RBFOX3: variants seen among roughly 807,000 people sequenced by gnomAD.
The protein encoded by RBFOX3 is RNA binding fox-1 homolog 3, also known as RNA binding protein fox-1 homolog 3.
In RBFOX3, 17 loss-of-function variants were observed where a neutral mutation model predicts 48.7. The ratio of observed to expected loss-of-function variants is 0.35; its 90% CI spans 0.24 to 0.52. The LOEUF (loss-of-function observed/expected upper bound fraction) is 0.52, where lower values mean the gene tolerates loss of function less well. RBFOX3 is among the 20% of genes least tolerant of loss of function. RBFOX3 has a pLI of 0.94. For synonymous variants in RBFOX3, 212 were observed against 209.5 expected (o/e 1.01, Z -0.10); for missense variants, 382 against 497.5 (o/e 0.77, Z 2.21).
chr17:79,469,224 G>A (rs1555755554), intron 2 of RBFOX3, among the ~76,000 whole-genome samples: 1 of 152,180 alleles, frequency 6.6e-6, no homozygotes, highest in Non-Finnish European at 1.5e-5. Flanking sequence ...ACATCGAGTT[G>A]GCAGCAGAGG....
intron 4 of RBFOX3, among the ~76,000 whole-genome samples, chr17:79,167,866 G>C (rs1464378968): frequency 6.6e-6 from 1 of 152,178 alleles, no homozygotes; most frequent in East Asian, 1.9e-4. Context: ...AGCTCATCCG[G>C]GACCCTCCAG....
At chr17:79,227,897 G>C (rs1056890925) in intron 4 of RBFOX3, among the ~76,000 whole-genome samples, 22 of 152,342 alleles carry the variant, frequency 1.4e-4, no homozygotes, top group Middle Eastern at 6.8e-3. Flanking sequence ...GTGGGGAGCA[G>C]ATAGGTACTG....
chr17:79,194,811 C>A (rs1442436526), intron 4 of RBFOX3, among the ~76,000 whole-genome samples: 1 of 150,344 alleles, frequency 6.7e-6, no homozygotes, highest in East Asian at 2.0e-4. Context: ...TGACTTGGGA[C>A]CATAAAAAGA....
At chr17:79,620,099 GTGTGCATGCACGCATATGCA>G in the RBFOX3 span, among the ~76,000 whole-genome samples, 1 of 125,866 alleles carries the variant, frequency 7.9e-6, no homozygotes, top group African/African-American at 4.1e-5. Context: ...ATGCACACAT[GTGTGCATGCACGCATATGCA>G]CACATACACA....
At chr17:79,567,217 T>A (rs2092495841) in intron 1 of RBFOX3, among the ~76,000 whole-genome samples, 1 of 141,242 alleles carries the variant, frequency 7.1e-6, no homozygotes, top group Non-Finnish European at 1.5e-5. Context: ...AGGGTCTCAC[T>A]CTGTCGCCCA....
At chr17:79,104,704 T>G (rs1219421650) in intron 6 of RBFOX3, among the ~76,000 whole-genome samples, 1 of 151,066 alleles carries the variant, frequency 6.6e-6, no homozygotes, top group Non-Finnish European at 1.5e-5. Context: ...GAAGAGAAAG[T>G]GCTGGGGTCA....
intron 4 of RBFOX3, among the ~76,000 whole-genome samples, chr17:79,146,407 G>A (rs2043049123): frequency 6.6e-6 from 1 of 152,350 alleles, no homozygotes; most frequent in African/African-American, 2.4e-5. Flanking sequence ...ATTAGACCGA[G>A]TCTGCAAGAG....
intron 2 of RBFOX3, among the ~76,000 whole-genome samples, chr17:79,466,947 C>T (rs1186476202): frequency 6.6e-6 from 1 of 152,184 alleles, no homozygotes; most frequent in Non-Finnish European, 1.5e-5. Flanking sequence ...TCCATGACAT[C>T]ATAACAGGGT....
chr17:79,416,134 C>T (rs1287839647), intron 2 of RBFOX3, among the ~76,000 whole-genome samples: 26 of 152,216 alleles, frequency 1.7e-4, no homozygotes, highest in Non-Finnish European at 1.5e-5. Context: ...CCACAGGTGC[C>T]CCCACAAGGC....
intron 2 of RBFOX3, among the ~76,000 whole-genome samples, chr17:79,341,881 A>G (rs1219633824): frequency 2.0e-5 from 3 of 152,274 alleles, no homozygotes; most frequent in African/African-American, 7.2e-5. Flanking sequence ...ATAGATGGAA[A>G]TAACTCTATC....
intron 4 of RBFOX3, among the ~76,000 whole-genome samples, chr17:79,229,656 G>A (rs2060774106): frequency 6.6e-6 from 1 of 151,990 alleles, no homozygotes; most frequent in Admixed American, 6.6e-5. Flanking sequence ...CTCCTTTGGG[G>A]TGGCATGAGG....
At chr17:79,655,683 T>C in the RBFOX3 span, among the ~76,000 whole-genome samples, 1 of 152,148 alleles carries the variant, frequency 6.6e-6, no homozygotes, top group Non-Finnish European at 1.5e-5. Flanking sequence ...TCACTGAGAC[T>C]CTTATGAGGT....
chr17:79,574,736 C>T (rs2092799528), intron 1 of RBFOX3, among the ~76,000 whole-genome samples: 1 of 152,222 alleles, frequency 6.6e-6, no homozygotes, highest in South Asian at 2.1e-4. Flanking sequence ...TTGCTTTTCA[C>T]TTTAAAAAAG....
rs562523168 is a variant in RBFOX3 at position 79,361,934 on chromosome 17, G to A, written c.-174-54110C>T. Among the ~76,000 whole-genome samples, 1 of 152,260 alleles carries A rather than the reference G, an allele frequency of 6.6e-6. No homozygotes were observed. Among genetic ancestry groups the A allele is most frequent in the South Asian group, 2.1e-4 (1 of 4,812 alleles). ...AATGTTATAAAAATGTCTTATTTTG[G>A]TAGTTAATTGCCATTTCCATTTTAA... is the stretch of plus-strand genomic sequence containing the variant. On this transcript the variant is annotated intron_variant, in intron 2 of 14. Coordinates refer to ENST00000693108, the MANE Select transcript of RBFOX3 (RefSeq NM_001350451.2). The surrounding 1 kb of genome is among the most constrained non-coding windows in gnomAD (Gnocchi z 4.5).
At chr17:79,110,113 GCTTT>G (rs1434012255) in intron 5 of RBFOX3, among the ~76,000 whole-genome samples, 1 of 140,132 alleles carries the variant, frequency 7.1e-6, no homozygotes, top group Non-Finnish European at 1.5e-5. Context: ...TTTCTCAGGG[GCTTT>G]CTTTCCCCCA....
At chr17:79,132,253 C>T (rs985936619) in intron 4 of RBFOX3, among the ~76,000 whole-genome samples, 16 of 12,584 alleles carry the variant, frequency 1.3e-3, no homozygotes, top group Admixed American at 2.4e-3. Context: ...GTCTCTGCAG[C>T]GGGTAGACTG....
intron 1 of RBFOX3, among the ~76,000 whole-genome samples, chr17:79,531,961 C>A (rs1364484853): frequency 6.6e-6 from 1 of 152,226 alleles, no homozygotes; most frequent in Non-Finnish European, 1.5e-5. Flanking sequence ...GCAAGAGGGG[C>A]CAGCTGCTGC....
chr17:79,338,316 G>T (rs1310302210), intron 2 of RBFOX3, among the ~76,000 whole-genome samples: 1 of 152,128 alleles, frequency 6.6e-6, no homozygotes, highest in Non-Finnish European at 1.5e-5. Context: ...TGCAATGGTG[G>T]GAACACAGAC....
At chr17:79,192,291 ACT>A (rs1254655265) in intron 4 of RBFOX3, among the ~76,000 whole-genome samples, 1 of 152,088 alleles carries the variant, frequency 6.6e-6, no homozygotes, top group African/African-American at 2.4e-5. Context: ...CTTTCCTCCC[ACT>A]GAGAGTTGCT....
Sources: gnomAD v4.1 joint callset for allele counts (sites outside exome capture counted in the v4.1 genomes callset) on GRCh38, gnomAD v4.1.1 for gene constraint, Gnocchi (gnomAD v3.1) non-coding constraint, MANE v1.5 for transcripts, NCBI Gene and HGNC (gene_info 2026-07-23, HGNC 2026-07-21) for gene names.